HEATR5A: variants seen among roughly 807,000 people sequenced by gnomAD.
The protein encoded by HEATR5A is HEAT repeat containing 5A.
Under a neutral mutation model 218.8 loss-of-function variants are expected in HEATR5A, and 178 were observed. The ratio of observed to expected loss-of-function variants is 0.81; its 90% CI spans 0.72 to 0.92. The LOEUF (loss-of-function observed/expected upper bound fraction) is 0.92, where lower values mean the gene tolerates loss of function less well. Among genes scored for constraint, HEATR5A ranks in the 40% least tolerant of loss-of-function variants. The pLI is 0.00. For missense variants in HEATR5A, 2,420 were observed against 2,418.9 expected (o/e 1.00, Z -0.01); for synonymous variants, 864 against 871.6 (o/e 0.99, Z 0.15).
At position 31,391,856 on chromosome 14, in the gene HEATR5A, C is replaced by CAAT. The variant is rs202117704; in HGVS notation, c.772+2193_772+2195dup. 3.4e-4 allele frequency among the ~76,000 whole-genome samples: 52 copies of CAAT among 152,256 alleles called. 1 individual carries two copies. In the East Asian group the frequency reaches 9.5e-3, roughly 28 times the overall value. ...GCTGTAGAGGTGTGTAGTCTAAGAG[C>CAAT]AATAGTCTATACCATATAGCCTAGT... On this transcript the variant is annotated intron_variant, in intron 6 of 35. Coordinates refer to ENST00000543095, the MANE Select transcript of HEATR5A (RefSeq NM_015473.4).
Position 31,386,482 on chromosome 14 carries a change from A to G in HEATR5A, c.1283T>C (p.Leu428Pro), listed in dbSNP as rs1304326169. The G allele has an allele frequency of 1.2e-6, 2 of 1,613,764 alleles. No individual in the cohort carries two copies. The highest frequency in any genetic ancestry group is 1.7e-6 in the Non-Finnish European group (2 of 1,179,818). ...QHMLVCALQE[L>P]GNLIHNLGTT... ...GCCAAGATTGTGTATGAGATTTCCA[A>G]GTTCTTGTAAAGCACAAACCAGCAT... The change falls in exon 9 of 36, where the codon CTT becomes CCT. Residue 428 changes from leucine to proline, a missense_variant. Physicochemically the swap from Leu to Pro is moderately conservative, Grantham distance 98. Coordinates refer to ENST00000543095, the MANE Select transcript of HEATR5A (RefSeq NM_015473.4).
At chr14:31,301,932 CTCAGTGGAGTAGCTGAG>C (rs959627532) in intron 33 of HEATR5A, among the ~76,000 whole-genome samples, 3 of 147,826 alleles carry the variant, frequency 2.0e-5, no homozygotes, top group Admixed American at 6.9e-5. Flanking sequence ...ATTCTCCTGT[CTCAGTGGAGTAGCTGAG>C]ACAGCATTGG....
intron 1 of HEATR5A, among the ~76,000 whole-genome samples, chr14:31,412,223 T>C (rs749512349): frequency 1.6e-4 from 25 of 152,140 alleles, no homozygotes; most frequent in Non-Finnish European, 2.9e-4. Flanking sequence ...ATGTCATACT[T>C]CTACTTAAAA....
intron 22 of HEATR5A, among the ~76,000 whole-genome samples, chr14:31,327,754 A>G (rs1385288889): frequency 1.3e-5 from 2 of 152,228 alleles, no homozygotes; most frequent in South Asian, 2.1e-4. Context: ...GGACTACTGA[A>G]TAAACATATA....
intron 1 of HEATR5A, among the ~76,000 whole-genome samples, chr14:31,417,318 G>T (rs573221871): frequency 5.4e-4 from 83 of 152,320 alleles, no homozygotes; most frequent in Middle Eastern, 3.4e-3. Context: ...TCAGCACTTT[G>T]GGAGGCCGAG....
intron 1 of HEATR5A, among the ~76,000 whole-genome samples, chr14:31,408,113 C>T (rs11621557): frequency 0.98 from 148,568 of 152,316 alleles, 72,541 homozygotes; most frequent in Middle Eastern, 1. Flanking sequence ...TTGTACATGA[C>T]AGATACTCCT....
intron 11 of HEATR5A, among the ~76,000 whole-genome samples, chr14:31,377,189 C>A (rs1036159208): frequency 6.7e-6 from 1 of 148,478 alleles, no homozygotes; most frequent in Non-Finnish European, 1.5e-5. Context: ...CTTGGAGAAA[C>A]GGCTGATGGC....
intron 1 of HEATR5A, among the ~76,000 whole-genome samples, chr14:31,404,025 T>G (rs2030971550): frequency 6.6e-6 from 1 of 152,170 alleles, no homozygotes; most frequent in South Asian, 2.1e-4. Context: ...ATACAGGTAG[T>G]GGGTATGTGA....
Position 31,313,094 on chromosome 14 carries a change from A to T in HEATR5A, c.4315T>A (p.Ser1439Thr). 6.2e-7 allele frequency: 1 copy of T among 1,613,886 alleles called. No individual in the cohort carries two copies. The highest frequency in any genetic ancestry group is 1.1e-5 in the South Asian group (1 of 91,086). The change falls in exon 28 of 36, where the codon TCA becomes ACA. Residue 1439 changes from serine (S) to threonine (T), a missense_variant. Coordinates refer to ENST00000543095, the MANE Select transcript of HEATR5A (RefSeq NM_015473.4). The part of the protein sequence containing the change: ...EDGIRNGSCS[S>T]DGLLDLVYAD... ...TAGACTAAGTCAAGCAGTCCATCTG[A>T]TGAACATGATCCATTTCTGATACCG...
intron 18 of HEATR5A, 27 bp downstream of exon 18, chr14:31,349,762 T>A: frequency 6.5e-7 from 1 of 1,529,682 alleles, no homozygotes; most frequent in Non-Finnish European, 9.0e-7. Context: ...ACATAGCCTC[T>A]GAATATTAAA....
intron 14 of HEATR5A, among the ~76,000 whole-genome samples, chr14:31,363,215 G>C (rs934334784): frequency 3.3e-5 from 5 of 151,600 alleles, no homozygotes; most frequent in Non-Finnish European, 7.4e-5. Flanking sequence ...CTCCAGCCTG[G>C]GGGACAGAGC....
rs79605686 is a variant in HEATR5A at position 31,344,238 on chromosome 14, T to C, written c.3059-173A>G. On this transcript the variant is annotated intron_variant, in intron 20 of 35. Transcript: ENST00000543095. ...ATTTCTTCTACAAAAGTAGGGATAA[T>C]CTAAGTTACAGATTGTTAGATTAGT... 1.0e-2 allele frequency among the ~76,000 whole-genome samples: 1,478 copies of C among 147,984 alleles called. 19 individuals are homozygous for C. The highest frequency in any genetic ancestry group is 0.034 in the African/African-American group (1,402 of 40,956).
intron 18 of HEATR5A, 131 bp downstream of exon 18, chr14:31,349,658 A>C (rs1019802274): frequency 3.2e-6 from 2 of 630,076 alleles, no homozygotes; most frequent in Admixed American, 3.1e-5. Flanking sequence ...TTCCTTTAGC[A>C]GTCAACATTT....
intron 23 of HEATR5A, 87 bp downstream of exon 23, chr14:31,326,076 G>T: frequency 1.1e-6 from 1 of 948,948 alleles, no homozygotes; most frequent in South Asian, 1.4e-5. Flanking sequence ...AGTTAGACAA[G>T]ACTGATGAAT....
At position 31,358,947 on chromosome 14, in the gene HEATR5A, A is replaced by G; in HGVS notation, c.2182T>C (p.Leu728=). 6.3e-7 allele frequency: 1 copy of G among 1,591,764 alleles called. No individual in the cohort carries two copies. The highest frequency in any genetic ancestry group is 8.5e-7 in the Non-Finnish European group (1 of 1,174,802). The part of the protein sequence containing the change: ...LPPLCHQDDL[L]ILSPFLQETD... ...TCTTGTAGGAAAGGACTTAGTATCA[A>G]AAGATCATCCTGATGACAGAGGGGT... is the stretch of plus-strand genomic sequence containing the variant. Residue 728 remains leucine, a synonymous_variant, in exon 15 of 36, where the codon TTG becomes CTG. Coordinates refer to ENST00000543095, the MANE Select transcript of HEATR5A (RefSeq NM_015473.4).
chr14:31,360,049 GT>G (rs1179040126), intron 14 of HEATR5A, among the ~76,000 whole-genome samples: 2 of 13,932 alleles, frequency 1.4e-4, no homozygotes, highest in African/African-American at 1.8e-4. Context: ...ATCTCATGTT[GT>G]AAAAAAAAAA....
chr14:31,311,634 T>A (rs1467017252), intron 28 of HEATR5A, among the ~76,000 whole-genome samples: 1 of 151,918 alleles, frequency 6.6e-6, no homozygotes, highest in East Asian at 1.9e-4. Context: ...GAGAAAATAC[T>A]TACAAGACAT....
intron 6 of HEATR5A, among the ~76,000 whole-genome samples, chr14:31,391,609 T>C (rs1229500786): frequency 2.0e-5 from 3 of 152,188 alleles, no homozygotes; most frequent in Non-Finnish European, 4.4e-5. Context: ...TCTACAGTAG[T>C]ATACAGTAAT....
In HEATR5A at chr14:31,383,769, G is replaced by T; in HGVS notation, c.1348C>A (p.Leu450Ile). 1 of 1,611,528 alleles carries T rather than the reference G, an allele frequency of 6.2e-7. No individual in the cohort carries two copies. Among genetic ancestry groups the T allele is most frequent in the African/African-American group, 1.3e-5 (1 of 74,978 alleles). The part of the protein sequence containing the change: ...APLLQDSSTG[L>I]LDSILSVILH... ...ATAACTGACAAGATACTGTCAAGGA[G>T]ACCTGGAAGGATAAACAAATGATGA... Residue 450 changes from leucine (L) to isoleucine (I), a missense_variant and splice_region_variant, in exon 10 of 36, where the codon CTC becomes ATC. Transcript: ENST00000543095.
Sources: gnomAD v4.1 joint callset for allele counts (sites outside exome capture counted in the v4.1 genomes callset) on GRCh38, gnomAD v4.1.1 for gene constraint, MANE v1.5 for transcripts, NCBI Gene and HGNC (gene_info 2026-07-23, HGNC 2026-07-21) for gene names.